MCUB: variants seen among roughly 807,000 people sequenced by gnomAD.
MCUB encodes mitochondrial calcium uniporter dominant negative subunit beta, also known as calcium uniporter regulatory subunit MCUb, mitochondrial.
In MCUB, 46 loss-of-function variants were observed where a neutral mutation model predicts 41.4. That is an observed-to-expected ratio of 1.11 (90% CI 0.88 to 1.42). MCUB has a LOEUF of 1.42. Among genes scored for constraint, MCUB ranks in the 40% most tolerant of loss-of-function variants. The pLI is 0.00. For synonymous variants in MCUB, 148 were observed against 148.2 expected (o/e 1.00, Z 0.01); for missense variants, 403 against 404.9 (o/e 1.00, Z 0.04).
intron 2 of MCUB, among the ~76,000 whole-genome samples, chr4:109,659,489 T>C (rs1252149319): frequency 2.6e-5 from 4 of 151,974 alleles, no homozygotes; most frequent in Non-Finnish European, 5.9e-5. Flanking sequence ...ACCCAAGAGA[T>C]TGAGGTGGGA....
intron 4 of MCUB, among the ~76,000 whole-genome samples, chr4:109,671,853 T>C (rs1372659680): frequency 6.6e-6 from 1 of 152,168 alleles, no homozygotes; most frequent in Non-Finnish European, 1.5e-5. Context: ...AATAGGTCTT[T>C]AGTGTGAGGT....
intron 1 of MCUB, among the ~76,000 whole-genome samples, chr4:109,599,468 T>A (rs1431276335): frequency 6.6e-6 from 1 of 152,118 alleles, no homozygotes; most frequent in African/African-American, 2.4e-5. Flanking sequence ...TCTGAGGCCT[T>A]TATACTTCAG....
At chr4:109,657,218 CAAAAAAAAA>C (rs56707630) in intron 1 of MCUB, among the ~76,000 whole-genome samples, 1 of 111,408 alleles carries the variant, frequency 9.0e-6, no homozygotes, top group African/African-American at 3.4e-5. Flanking sequence ...TATTCCATCT[CAAAAAAAAA>C]AAAAAAAAAA....
intron 1 of MCUB, among the ~76,000 whole-genome samples, chr4:109,596,145 T>C (rs1341044069): frequency 1.7e-5 from 1 of 59,952 alleles, no homozygotes; most frequent in Non-Finnish European, 3.1e-5. Flanking sequence ...TGATTCTAGG[T>C]TGACAGAGCA....
intron 1 of MCUB, among the ~76,000 whole-genome samples, chr4:109,565,139 G>A (rs1726740635): frequency 6.6e-6 from 1 of 152,112 alleles, no homozygotes; most frequent in South Asian, 2.1e-4. Context: ...GATGCTTATG[G>A]AAAAATGGGT....
In MCUB at chr4:109,560,303, G is replaced by T. The variant is rs900906148; in HGVS notation, c.-35G>T. On this transcript the variant is annotated 5_prime_UTR_variant, in exon 1 of 8. An upstream open reading frame in the 5' UTR loses its in-frame stop. Coordinates refer to ENST00000394650, the MANE Select transcript of MCUB (RefSeq NM_017918.5). ...CCCGGCTGAGGGAGGATGCGCCGCTGACGCCTGCGGGAGCCGCGCGCCTGG... is the reference window on the plus strand; with the variant it reads ...CCCGGCTGAGGGAGGATGCGCCGCTTACGCCTGCGGGAGCCGCGCGCCTGG... 1.8e-6 allele frequency: 2 copies of T among 1,103,492 alleles called. No individual in the cohort carries two copies. The highest frequency in any genetic ancestry group is 7.6e-5 in the South Asian group (2 of 26,360). 68.4% of individuals were successfully genotyped at this position (1,103,492 alleles called of 1,614,324 possible). A position where few individuals can be genotyped will look rare whatever the true frequency, so the allele number is the denominator to read the frequency against.
chr4:109,660,484 G>T, intron 3 of MCUB, 119 bp downstream of exon 3: 1 of 532,456 alleles, frequency 1.9e-6, no homozygotes, highest in South Asian at 3.5e-5. Flanking sequence ...TAAATGGTTG[G>T]TCTTTATTCT....
At position 109,641,841 on chromosome 4, in the gene MCUB, A is replaced by C. The variant is rs1292029087; in HGVS notation, c.100-17170A>C. 3.9e-5 allele frequency among the ~76,000 whole-genome samples: 6 copies of C among 152,332 alleles called. No individual in the cohort carries two copies. In the East Asian group the frequency reaches 1.2e-3, roughly 29 times the overall value. On this transcript the variant is annotated intron_variant, in intron 1 of 7. Coordinates refer to ENST00000394650, the MANE Select transcript of MCUB (RefSeq NM_017918.5). ...GCAACTTAGAATTCTGTGCTTTAGA[A>C]ATTCAGATGTGTTACTACCTTCATG... is the stretch of plus-strand genomic sequence containing the variant.
intron 1 of MCUB, among the ~76,000 whole-genome samples, chr4:109,632,128 C>T (rs1728486086): frequency 6.6e-6 from 1 of 152,170 alleles, no homozygotes; most frequent in Non-Finnish European, 1.5e-5. Context: ...TAATACATCC[C>T]TCCATTATTG....
chr4:109,568,531 G>A (rs561520603), intron 1 of MCUB, among the ~76,000 whole-genome samples: 3 of 151,974 alleles, frequency 2.0e-5, no homozygotes, highest in South Asian at 2.1e-4. Flanking sequence ...CCTTTACCCC[G>A]CTTCTTCACC....
intron 1 of MCUB, among the ~76,000 whole-genome samples, chr4:109,578,176 T>C (rs1286404209): frequency 6.6e-6 from 1 of 152,176 alleles, no homozygotes; most frequent in Non-Finnish European, 1.5e-5. Context: ...AATCTCTCTC[T>C]CTTCCCCCCA....
At chr4:109,607,461 G>A (rs11732539) in intron 1 of MCUB, among the ~76,000 whole-genome samples, 4 of 152,036 alleles carry the variant, frequency 2.6e-5, no homozygotes, top group Admixed American at 6.5e-5. Context: ...CAGGTGATCC[G>A]CCTGCCTTGG....
chr4:109,679,464 G>A (rs1037652116), intron 4 of MCUB, among the ~76,000 whole-genome samples: 1 of 152,148 alleles, frequency 6.6e-6, no homozygotes. Flanking sequence ...CGGTCAACAC[G>A]GCGAAACCCC....
chr4:109,686,349 G>A (rs1026510540), intron 7 of MCUB, among the ~76,000 whole-genome samples: 1 of 152,132 alleles, frequency 6.6e-6, no homozygotes, highest in Non-Finnish European at 1.5e-5. Flanking sequence ...ATGTTGTCCA[G>A]GCTGGTCTCA....
Position 109,612,872 on chromosome 4 carries a change from C to A in MCUB, c.100-46139C>A, listed in dbSNP as rs533622039. ...CTGTAATCCCAGCACTTTGGGAGGC[C>A]AAGGCGGGCGGATCACAAGGTCAGG... On this transcript the variant is annotated intron_variant, in intron 1 of 7. Transcript: ENST00000394650. Among the ~76,000 whole-genome samples, 7 of 152,182 alleles carry A rather than the reference C, an allele frequency of 4.6e-5. No homozygotes were observed. In the South Asian group the frequency reaches 1.2e-3, roughly 27 times the overall value.
At chr4:109,581,303 T>C (rs967769018) in intron 1 of MCUB, among the ~76,000 whole-genome samples, 1 of 152,178 alleles carries the variant, frequency 6.6e-6, no homozygotes, top group Non-Finnish European at 1.5e-5. Context: ...ATTTAATAAA[T>C]GGTGCTGGGA....
At chr4:109,637,781 A>G (rs1728626734) in intron 1 of MCUB, among the ~76,000 whole-genome samples, 1 of 152,214 alleles carries the variant, frequency 6.6e-6, no homozygotes, top group African/African-American at 2.4e-5. Context: ...GGAATATACT[A>G]CACACTGGGT....
intron 1 of MCUB, among the ~76,000 whole-genome samples, chr4:109,564,490 C>G (rs1726726177): frequency 6.6e-6 from 1 of 152,076 alleles, no homozygotes; most frequent in Admixed American, 6.6e-5. Flanking sequence ...TTCACTGTTC[C>G]CTATTTCTTG....
intron 1 of MCUB, among the ~76,000 whole-genome samples, chr4:109,648,062 T>C (rs1406489346): frequency 6.6e-6 from 1 of 152,238 alleles, no homozygotes; most frequent in Non-Finnish European, 1.5e-5. Flanking sequence ...AAAAAGTTTA[T>C]TAATTATAAA....
Sources: allele counts gnomAD v4.1 joint callset (sites outside exome capture counted in the v4.1 genomes callset), GRCh38; gene constraint gnomAD v4.1.1; transcripts MANE v1.5; gene names NCBI Gene and HGNC (gene_info 2026-07-23, HGNC 2026-07-21).